The following GPR158 variants were observed in gnomAD, a reference collection of about 807,000 sequenced individuals.
GPR158 encodes G protein-coupled receptor 158.
GPR158 carries 30 observed loss-of-function variants against 78.2 expected under a neutral mutation model. The observed-to-expected ratio is 0.38, with a 90% CI of 0.29 to 0.52. The LOEUF (loss-of-function observed/expected upper bound fraction) is 0.52. Among genes scored for constraint, GPR158 ranks in the 20% least tolerant of loss-of-function variants. The pLI, the probability that GPR158 is intolerant of heterozygous loss-of-function variation, is 0.83. For missense variants in GPR158, 1,463 were observed against 1,523.5 expected (o/e 0.96, Z 0.66); for synonymous variants, 581 against 591.1 (o/e 0.98, Z 0.25).
At chr10:25,352,585 C>T (rs2130521193) in intron 2 of GPR158, among the ~76,000 whole-genome samples, 1 of 151,940 alleles carries the variant, frequency 6.6e-6, no homozygotes, top group Middle Eastern at 3.4e-3. Flanking sequence ...CCTTTTTAAC[C>T]ATCAGAGTCT....
chr10:25,492,371 C>T (rs1037940920), intron 5 of GPR158, among the ~76,000 whole-genome samples: 7 of 152,226 alleles, frequency 4.6e-5, no homozygotes, highest in Admixed American at 4.6e-4. Context: ...GACTTTCCCC[C>T]ACCATCTCTA....
intron 2 of GPR158, among the ~76,000 whole-genome samples, chr10:25,229,234 A>G (rs754949335): frequency 1.3e-5 from 2 of 152,026 alleles, no homozygotes; most frequent in Non-Finnish European, 2.9e-5. Flanking sequence ...CCTTGAGCAT[A>G]CCTGTGAGGA....
chr10:25,536,717 C>G (rs1273064514), intron 5 of GPR158, among the ~76,000 whole-genome samples: 1 of 152,110 alleles, frequency 6.6e-6, no homozygotes, highest in African/African-American at 2.4e-5. Context: ...TTAACTTTAT[C>G]TTTCCATTAT....
chr10:25,389,187 A>G (rs1177684547), intron 2 of GPR158, among the ~76,000 whole-genome samples: 1 of 152,180 alleles, frequency 6.6e-6, no homozygotes, highest in African/African-American at 2.4e-5. Context: ...TGCCTTTTCC[A>G]GACCTGTCCA....
chr10:25,372,020 A>T (rs1330526388), intron 2 of GPR158, among the ~76,000 whole-genome samples: 1 of 151,918 alleles, frequency 6.6e-6, no homozygotes, highest in African/African-American at 2.4e-5. Context: ...GACAAAAACA[A>T]ACAACCCCGT....
intron 2 of GPR158, among the ~76,000 whole-genome samples, chr10:25,222,154 C>G (rs143344465): frequency 2.0e-3 from 301 of 152,100 alleles, no homozygotes; most frequent in Non-Finnish European, 3.0e-3. Flanking sequence ...TGAGTGTTTA[C>G]CATGTATACA....
rs1040827541 is a variant in GPR158, at chr10:25,176,005, G to C, written c.585G>C (p.Thr195=). 6.2e-7 allele frequency: 1 copy of C among 1,612,690 alleles called. No individual in the cohort carries two copies. The highest frequency in any genetic ancestry group is 1.7e-5 in the Admixed American group (1 of 59,916). Residue 195 remains threonine (T), a synonymous_variant, in exon 1 of 11, where the codon ACG becomes ACC. Coordinates refer to ENST00000376351, the MANE Select transcript of GPR158 (RefSeq NM_020752.3). The surrounding 1 kb of genome is among the most constrained non-coding windows in gnomAD (Gnocchi z 6.3). The part of the protein sequence containing the change: ...APAPQVFLQA[T]REESRILLQD... ...CCCCACAGGTCTTCCTCCAGGCCAC[G>C]CGCGAGGAGAGCCGCATCCTGCTCC...
intron 5 of GPR158, among the ~76,000 whole-genome samples, chr10:25,550,140 T>C (rs1051769109): frequency 2.0e-5 from 3 of 152,192 alleles, no homozygotes; most frequent in South Asian, 2.1e-4. Context: ...TCCCCTGGAA[T>C]TGGCCGCTCG....
intron 2 of GPR158, among the ~76,000 whole-genome samples, chr10:25,251,694 G>T (rs1403973151): frequency 1.3e-5 from 2 of 151,600 alleles, no homozygotes; most frequent in East Asian, 1.9e-4. Context: ...CTGTTAGTCT[G>T]ATGGGCTTCC....
At chr10:25,303,487 A>G (rs938450418) in intron 2 of GPR158, among the ~76,000 whole-genome samples, 11 of 152,234 alleles carry the variant, frequency 7.2e-5, no homozygotes, top group Non-Finnish European at 1.2e-4. Context: ...TTGTAGATAA[A>G]ACAAAGCTGG....
At chr10:25,262,743 G>A (rs1193062857) in intron 2 of GPR158, among the ~76,000 whole-genome samples, 1 of 152,108 alleles carries the variant, frequency 6.6e-6, no homozygotes, top group Non-Finnish European at 1.5e-5. Flanking sequence ...GGAGTTCATA[G>A]CTTACATATA....
intron 2 of GPR158, among the ~76,000 whole-genome samples, chr10:25,347,939 C>A (rs1375741119): frequency 6.6e-6 from 1 of 151,890 alleles, no homozygotes; most frequent in African/African-American, 2.4e-5. Flanking sequence ...CCACCATCAC[C>A]AATATTAATG....
At chr10:25,461,733 C>G (rs1215581064) in intron 4 of GPR158, among the ~76,000 whole-genome samples, 1 of 132,520 alleles carries the variant, frequency 7.5e-6, no homozygotes. Flanking sequence ...CTAGGACTTT[C>G]TTTTTTTTTT....
chr10:25,401,570 T>C (rs1834446573), intron 3 of GPR158, among the ~76,000 whole-genome samples: 1 of 152,162 alleles, frequency 6.6e-6, no homozygotes, highest in Non-Finnish European at 1.5e-5. Context: ...CTCCACTAGC[T>C]GAAATACTAA....
rs753727296 is a variant in GPR158 at position 25,598,634 on chromosome 10, T to C, written c.3008T>C (p.Ile1003Thr). The C allele has an allele frequency of 2.2e-5, 36 of 1,613,880 alleles. No homozygotes were observed. The highest frequency in any genetic ancestry group is 8.9e-5 in the East Asian group (4 of 44,876). ...GTTQMKDNFDIGEVCPWEVYD... is the reference protein window; with the variant it reads ...GTTQMKDNFDTGEVCPWEVYD... ...ACCCAGATGAAGGACAACTTTGACA[T>C]TGGGGAGGTGTGTCCTTGGGAGGTT... The change falls in exon 11 of 11, where the codon ATT (isoleucine) becomes ACT (threonine). Residue 1003 changes from isoleucine to threonine, a missense_variant. Transcript: ENST00000376351.
At position 25,304,155 on chromosome 10, in the gene GPR158, T is replaced by G. The variant is rs577790265; in HGVS notation, c.1008+82998T>G. 5.5e-3 allele frequency among the ~76,000 whole-genome samples: 834 copies of G among 152,218 alleles called. 11 individuals carry two copies. The highest frequency in any genetic ancestry group is 0.019 in the African/African-American group (772 of 41,530). ...GTTTGTTTTTGTTTTTTGTTTTTTT[T>G]TCGCCCAAAAGCTACTGTGTGGCAG... On this transcript the variant is annotated intron_variant, in intron 2 of 10. Transcript: ENST00000376351.
chr10:25,329,650 G>A (rs1855090572), intron 2 of GPR158, among the ~76,000 whole-genome samples: 1 of 150,932 alleles, frequency 6.6e-6, no homozygotes, highest in African/African-American at 2.4e-5. Flanking sequence ...AAAAACAAGA[G>A]TAAATGTGGA....
At chr10:25,493,192 A>G (rs1406833112) in intron 5 of GPR158, among the ~76,000 whole-genome samples, 1 of 152,136 alleles carries the variant, frequency 6.6e-6, no homozygotes, top group Non-Finnish European at 1.5e-5. Flanking sequence ...AGCACTGAAG[A>G]GCTAGACTTT....
At position 25,433,570 on chromosome 10, in the gene GPR158, T is replaced by TGTGTGTGC. The variant is rs1554803626; in HGVS notation, c.1335+21098_1335+21099insTGTGTGCG. 9.9e-3 allele frequency among the ~76,000 whole-genome samples: 1,271 copies of TGTGTGTGC among 128,566 alleles called. 18 individuals carry two copies. The highest frequency in any genetic ancestry group is 0.023 in the African/African-American group (821 of 35,008). 84.3% of individuals were successfully genotyped at this position (128,566 alleles called of 152,430 possible). A position where few individuals can be genotyped will look rare whatever the true frequency, so the allele number is the denominator to read the frequency against. ...TGTTGTGTGTGTGTGTGTGTGTGTGTGCGCGCGCGCGTGCGCGTGCGCATA... is the reference window on the plus strand; with the variant it reads ...TGTTGTGTGTGTGTGTGTGTGTGTGTGTGTGTGCGCGCGCGCGCGTGCGCGTGCGCATA... On this transcript the variant is annotated intron_variant, in intron 4 of 10. Transcript: ENST00000376351.
Sources: gnomAD v4.1 joint callset for allele counts (sites outside exome capture counted in the v4.1 genomes callset) on GRCh38, gnomAD v4.1.1 for gene constraint, Gnocchi (gnomAD v3.1) non-coding constraint, MANE v1.5 for transcripts, NCBI Gene and HGNC (gene_info 2026-07-23, HGNC 2026-07-21) for gene names.